Variants in POFUT2 observed in about 807,000 individuals in gnomAD.
POFUT2 encodes protein O-fucosyltransferase 2.
POFUT2 carries 30 observed loss-of-function variants against 55.0 expected under a neutral mutation model. That is an observed-to-expected ratio of 0.55 (90% CI 0.41 to 0.74). The LOEUF is 0.74. POFUT2 is among the 30% of genes least tolerant of loss of function. The pLI, the probability that POFUT2 is intolerant of heterozygous loss-of-function variation, is 0.00. For synonymous variants in POFUT2, 267 were observed against 231.1 expected, an observed-to-expected ratio of 1.16 and a Z score of -1.41; for missense variants, 524 against 562.6, an observed-to-expected ratio of 0.93 and a Z score of 0.69.
chr21:45,268,270 C>G (rs1176301313), intron 7 of POFUT2, among the ~76,000 whole-genome samples: 1 of 152,278 alleles, frequency 6.6e-6, no homozygotes, highest in Non-Finnish European at 1.5e-5. Flanking sequence ...CAGACGGAGT[C>G]TCGTTCACTC....
intron 7 of POFUT2, among the ~76,000 whole-genome samples, chr21:45,268,857 A>G (rs1181660545): frequency 4.1e-5 from 3 of 72,956 alleles, no homozygotes; most frequent in African/African-American, 1.1e-4. Flanking sequence ...TCCGGGAGGG[A>G]GGTGGGGGGG....
intron 6 of POFUT2, among the ~76,000 whole-genome samples, chr21:45,272,823 A>G (rs1017183397): frequency 2.6e-5 from 4 of 152,208 alleles, no homozygotes; most frequent in African/African-American, 9.6e-5. Context: ...TGAAATTAAG[A>G]TGGAAATTTA....
At chr21:45,280,589 T>C (rs1022674844) in intron 4 of POFUT2, among the ~76,000 whole-genome samples, 11 of 152,320 alleles carry the variant, frequency 7.2e-5, no homozygotes, top group Admixed American at 7.2e-4. Flanking sequence ...ATGACAGCAA[T>C]GGGGGCACCT....
Position 45,267,471 on chromosome 21 carries a change from T to C in POFUT2, c.1136+119A>G. 6.2e-7 allele frequency: 1 copy of C among 1,614,080 alleles called. No homozygotes were observed. The highest frequency in any genetic ancestry group is 8.5e-7 in the Non-Finnish European group (1 of 1,180,014). ...GAGACTCAGACGAGGAGGCAAACAG[T>C]ATGGAAATGACCACTGTGAACACAG... On this transcript the variant is annotated intron_variant, in intron 8 of 8. Coordinates refer to ENST00000349485, the MANE Select transcript of POFUT2 (RefSeq NM_133635.6). This position sits in a 1 kb window ranked among gnomAD's most constrained non-coding sequence, Gnocchi z 4.4.
At chr21:45,274,017 G>A (rs894890842) in intron 6 of POFUT2, among the ~76,000 whole-genome samples, 2 of 152,184 alleles carry the variant, frequency 1.3e-5, no homozygotes, top group African/African-American at 4.8e-5. Flanking sequence ...TAAAGAGGAA[G>A]TCAAACTGTC....
intron 6 of POFUT2, among the ~76,000 whole-genome samples, chr21:45,272,042 G>A (rs1046830170): frequency 6.6e-6 from 1 of 152,182 alleles, no homozygotes; most frequent in Non-Finnish European, 1.5e-5. Context: ...ATAGAATACA[G>A]TACCTCACAC....
chr21:45,281,152 C>T lies in POFUT2; in HGVS notation c.638+1197G>A, dbSNP rs934756374. ...CCATCATCAGCCTCCTTTTCCACTG[C>T]GCCTTTTCCCCCTGCTCCCCGGCAG... On this transcript the variant is annotated intron_variant, in intron 4 of 8. Coordinates refer to ENST00000349485, the MANE Select transcript of POFUT2 (RefSeq NM_133635.6). This position sits in a 1 kb window ranked among gnomAD's most constrained non-coding sequence, Gnocchi z 5.0. Among the ~76,000 whole-genome samples, 4 of 152,104 alleles carry T rather than the reference C, an allele frequency of 2.6e-5. No homozygotes were observed. The highest frequency in any genetic ancestry group is 2.1e-4 in the South Asian group (1 of 4,814).
At chr21:45,279,386 C>G (rs1351187966) in intron 4 of POFUT2, among the ~76,000 whole-genome samples, 1 of 152,092 alleles carries the variant, frequency 6.6e-6, no homozygotes, top group Non-Finnish European at 1.5e-5. Context: ...CAGAGCAAGA[C>G]TCAGTCTCAA....
chr21:45,271,779 A>G (rs923450428), intron 6 of POFUT2, among the ~76,000 whole-genome samples: 4 of 152,226 alleles, frequency 2.6e-5, no homozygotes, highest in Admixed American at 6.5e-5. Flanking sequence ...TCAGCCAAGA[A>G]TTTTATATCC....
At chr21:45,273,636 C>G (rs2093238254) in intron 6 of POFUT2, among the ~76,000 whole-genome samples, 2 of 152,108 alleles carry the variant, frequency 1.3e-5, no homozygotes. Flanking sequence ...GGGTATCATA[C>G]CAGGGATGCA....
chr21:45,287,672 C>CCCCCCA, intron 1 of POFUT2, 69 bp downstream of exon 1: 3 of 1,117,250 alleles, frequency 2.7e-6, no homozygotes, highest in Non-Finnish European at 3.5e-6. Flanking sequence ...CCCCGCCCCG[C>CCCCCCA]CCCCATCCCA....
In POFUT2 at chr21:45,265,758, G is replaced by A. The variant is rs571864666; in HGVS notation, c.1137-123C>T. On this transcript the variant is annotated intron_variant, in intron 8 of 8. Coordinates refer to ENST00000349485, the MANE Select transcript of POFUT2 (RefSeq NM_133635.6). The surrounding 1 kb of genome is among the most constrained non-coding windows in gnomAD (Gnocchi z 4.6). ...TTCCACAGTTACATGGAACCAACACGGCCGTCCCCCGAGCACCCACCAGCC... is the reference window on the plus strand; with the variant it reads ...TTCCACAGTTACATGGAACCAACACAGCCGTCCCCCGAGCACCCACCAGCC... 637 of 1,461,640 alleles carry A rather than the reference G, an allele frequency of 4.4e-4. 1 individual carries two copies. Among genetic ancestry groups the A allele is most frequent in the Non-Finnish European group, 5.3e-4 (589 of 1,111,620 alleles). The allele number at this position is 1,461,640 out of a possible 1,614,324, so 90.5% of individuals were successfully genotyped here.
intron 6 of POFUT2, among the ~76,000 whole-genome samples, 168 bp downstream of exon 6, chr21:45,276,849 C>T (rs2093269022): frequency 6.7e-6 from 1 of 150,316 alleles, no homozygotes; most frequent in East Asian, 2.0e-4. Flanking sequence ...GGTCCCGGCG[C>T]CTCCCGAGAG....
chr21:45,283,286 A>AGT, intron 3 of POFUT2, 97 bp downstream of exon 3: 1 of 421,938 alleles, frequency 2.4e-6, no homozygotes, highest in Non-Finnish European at 4.0e-6. Context: ...GGTGGGGAGG[A>AGT]GTGGGCGGGG....
chr21:45,284,174 G>A lies in POFUT2; in HGVS notation c.383-647C>T, dbSNP rs187290124. On this transcript the variant is annotated intron_variant, in intron 2 of 8. Coordinates refer to ENST00000349485, the MANE Select transcript of POFUT2 (RefSeq NM_133635.6). The surrounding 1 kb of genome is among the most constrained non-coding windows in gnomAD (Gnocchi z 5.8). ...GGAACAAAGCGGGAGGGAGCACCGC[G>A]CAGGTGAAATTCTGGGGCAGGAACA... Among the ~76,000 whole-genome samples the A allele has an allele frequency of 3.3e-5, 5 of 151,408 alleles. No homozygotes were observed. Among genetic ancestry groups the A allele is most frequent in the Admixed American group, 6.6e-5 (1 of 15,206 alleles).
At position 45,267,058 on chromosome 21, in the gene POFUT2, G is replaced by A; in HGVS notation, c.1136+532C>T. ...GCCCCACGAGAATGATCACACGAGGGCCCACGCTCCCGGCCTCGGGGACGC... is the reference window on the plus strand; with the variant it reads ...GCCCCACGAGAATGATCACACGAGGACCCACGCTCCCGGCCTCGGGGACGC... On this transcript the variant is annotated intron_variant, in intron 8 of 8. Transcript: ENST00000349485. The surrounding 1 kb of genome is among the most constrained non-coding windows in gnomAD (Gnocchi z 4.4). 1 of 1,102,372 alleles carries A rather than the reference G, an allele frequency of 9.1e-7. No individual in the cohort carries two copies. The highest frequency in any genetic ancestry group is 4.9e-5 in the Admixed American group (1 of 20,288). The allele number at this position is 1,102,372 out of a possible 1,614,324, so 68.3% of individuals were successfully genotyped here.
At position 45,284,569 on chromosome 21, in the gene POFUT2, A is replaced by T. The variant is rs189320627; in HGVS notation, c.383-1042T>A. ...ACCAGCATATGTGCCTCAGAAGCTCATTACACAGCATCTGTCTTCCCAGAC... is the reference window on the plus strand; with the variant it reads ...ACCAGCATATGTGCCTCAGAAGCTCTTTACACAGCATCTGTCTTCCCAGAC... On this transcript the variant is annotated intron_variant, in intron 2 of 8. Coordinates refer to ENST00000349485, the MANE Select transcript of POFUT2 (RefSeq NM_133635.6). The surrounding 1 kb of genome is among the most constrained non-coding windows in gnomAD (Gnocchi z 5.8). Among the ~76,000 whole-genome samples the T allele has an allele frequency of 7.0e-4, 106 of 152,324 alleles. No individual in the cohort carries two copies. Among genetic ancestry groups the T allele is most frequent in the Admixed American group, 1.8e-3 (28 of 15,302 alleles).
chr21:45,266,493 C>A (rs922504008), intron 8 of POFUT2: 16 of 1,103,526 alleles, frequency 1.4e-5, no homozygotes, highest in Admixed American at 8.6e-5. Flanking sequence ...CGAAGCCTCC[C>A]CACAGCAGGC....
rs2031256171 is a variant in POFUT2, at chr21:45,285,311, C to T, written c.382+367G>A. 1 of 342,738 alleles carries T rather than the reference C, an allele frequency of 2.9e-6. No individual in the cohort carries two copies. The highest frequency in any genetic ancestry group is 2.1e-5 in the African/African-American group (1 of 47,060). The allele number at this position is 342,738 out of a possible 1,614,324, so 21.2% of individuals were successfully genotyped here. On this transcript the variant is annotated intron_variant, in intron 2 of 8. Coordinates refer to ENST00000349485, the MANE Select transcript of POFUT2 (RefSeq NM_133635.6). This position sits in a 1 kb window ranked among gnomAD's most constrained non-coding sequence, Gnocchi z 4.9. The stretch of plus-strand genomic sequence containing the variant: ...CACTGAGACACCACGAAGCATACTC[C>T]ACACGCAGTGCGTCTTCCTGAACGT...
Sources: gnomAD v4.1 joint callset for allele counts (sites outside exome capture counted in the v4.1 genomes callset) on GRCh38, gnomAD v4.1.1 for gene constraint, Gnocchi (gnomAD v3.1) non-coding constraint, MANE v1.5 for transcripts, NCBI Gene and HGNC (gene_info 2026-07-23, HGNC 2026-07-21) for gene names.